HDAC1: variants seen among roughly 807,000 people sequenced by gnomAD.
The protein encoded by HDAC1 is histone deacetylase 1.
A neutral mutation model predicts 65.5 loss-of-function variants in HDAC1; 18 were observed. That is an observed-to-expected ratio of 0.27 (90% confidence interval 0.19 to 0.41). The LOEUF (loss-of-function observed/expected upper bound fraction) is 0.41, where lower values mean the gene tolerates loss of function less well. HDAC1 is among the 10% of genes least tolerant of loss of function. The pLI is 1.00. For missense variants in HDAC1, 373 were observed against 625.2 expected, an observed-to-expected ratio of 0.60 and a Z score of 4.30; for synonymous variants, 211 against 227.9, an observed-to-expected ratio of 0.93 and a Z score of 0.67.
intron 2 of HDAC1, 38 bp downstream of exon 2, chr1:32,302,771 CT>C (rs1640867304): frequency 1.1e-6 from 1 of 901,324 alleles, no homozygotes; most frequent in Admixed American, 1.7e-5. Context: ...CTAACCTCAT[CT>C]GCTCTGGTTC....
chr1:32,302,028 C>G (rs1443305968), intron 1 of HDAC1, among the ~76,000 whole-genome samples: 1 of 152,098 alleles, frequency 6.6e-6, no homozygotes, highest in Non-Finnish European at 1.5e-5. Flanking sequence ...GAAAATAACT[C>G]TGGTGACAGT....
chr1:32,324,416 A>C, intron 3 of HDAC1, 63 bp from the exon 4 acceptor site: 1 of 1,095,102 alleles, frequency 9.1e-7, no homozygotes, highest in East Asian at 2.4e-5. Context: ...TTTTTCCATC[A>C]GCTCATAAAT....
chr1:32,322,130 C>T (rs1175095699), intron 3 of HDAC1, among the ~76,000 whole-genome samples: 1 of 152,174 alleles, frequency 6.6e-6, no homozygotes, highest in African/African-American at 2.4e-5. Context: ...AGCTCTTCTG[C>T]TCTCACCCCA....
At chr1:32,313,408 TA>T (rs1472210476) in intron 2 of HDAC1, among the ~76,000 whole-genome samples, 3 of 152,070 alleles carry the variant, frequency 2.0e-5, no homozygotes, top group Non-Finnish European at 2.9e-5. Flanking sequence ...ATAATTATTT[TA>T]AAAAAGAGAA....
At chr1:32,303,795 A>G (rs1640879227) in intron 2 of HDAC1, among the ~76,000 whole-genome samples, 1 of 151,736 alleles carries the variant, frequency 6.6e-6, no homozygotes, top group African/African-American at 2.4e-5. Context: ...CTGGGAGGTC[A>G]AGGCTGCGGT....
rs1256342692 is a variant in HDAC1, at chr1:32,329,031, C to T, written c.637-37C>T. 1 of 1,257,726 alleles carries T rather than the reference C, an allele frequency of 8.0e-7. No homozygotes were observed. The highest frequency in any genetic ancestry group is 1.2e-6 in the Non-Finnish European group (1 of 855,594). The allele number at this position is 1,257,726 out of a possible 1,614,324, so 77.9% of individuals were successfully genotyped here. On this transcript the variant is annotated intron_variant, in intron 6 of 13. Coordinates refer to ENST00000373548, the MANE Select transcript of HDAC1 (RefSeq NM_004964.3). This position sits in a 1 kb window ranked among gnomAD's most constrained non-coding sequence, Gnocchi z 4.1. ...CTATCCTTGACCTTCCTTCAAGCTT[C>T]ATCCTTCAGTTTTACTTTAATGGCC...
At chr1:32,294,141 G>C (rs565996402) in intron 1 of HDAC1, among the ~76,000 whole-genome samples, 135 of 152,080 alleles carry the variant, frequency 8.9e-4, no homozygotes, top group African/African-American at 2.9e-3. Flanking sequence ...TCCTGGTGTG[G>C]GCAGTATTTT....
chr1:32,327,674 A>G lies in HDAC1; in HGVS notation c.633A>G (p.Leu211=), dbSNP rs1302656580. 2.5e-6 allele frequency: 4 copies of G among 1,613,974 alleles called. No homozygotes were observed. The highest frequency in any genetic ancestry group is 3.4e-6 in the Non-Finnish European group (4 of 1,179,940). ...AGTACTTCCCAGGAACTGGGGACCT[A>G]CGGGTGAGAACGCCCTTTAGGAGCC... The part of the protein sequence containing the change: ...YGEYFPGTGD[L]RDIGAGKGKY... The change falls in exon 6 of 14, where the codon CTA becomes CTG. Residue 211 remains leucine, a synonymous_variant. Coordinates refer to ENST00000373548, the MANE Select transcript of HDAC1 (RefSeq NM_004964.3). This position sits in a 1 kb window ranked among gnomAD's most constrained non-coding sequence, Gnocchi z 6.0.
chr1:32,331,909 AGAAATCTGTTTTC>A lies in HDAC1; in HGVS notation c.1219+106_1219+118del. 6.8e-7 allele frequency: 1 copy of A among 1,474,838 alleles called. No homozygotes were observed. Among genetic ancestry groups the A allele is most frequent in the Non-Finnish European group, 9.1e-7 (1 of 1,094,700 alleles). 91.4% of individuals were successfully genotyped at this position (1,474,838 alleles called of 1,614,324 possible). On this transcript the variant is annotated intron_variant, in intron 11 of 13. Transcript: ENST00000373548. This position sits in a 1 kb window ranked among gnomAD's most constrained non-coding sequence, Gnocchi z 4.2. Reference sequence around the variant, plus strand: ...CTCCCTCCAAGCTCCCCACCTGTAGAGAAATCTGTTTTCGAGTTCCAGTGCCTGTAGGAACAGG... The same window carrying A: ...CTCCCTCCAAGCTCCCCACCTGTAGAGAGTTCCAGTGCCTGTAGGAACAGG...
chr1:32,323,589 G>C (rs1405985930), intron 3 of HDAC1, among the ~76,000 whole-genome samples: 3 of 151,920 alleles, frequency 2.0e-5, no homozygotes, highest in South Asian at 2.1e-4. Flanking sequence ...GTAGAGATGG[G>C]GTTTCTCCAT....
chr1:32,333,188 G>A lies in HDAC1; in HGVS notation c.*144G>A, dbSNP rs955095394. 2 of 660,424 alleles carry A rather than the reference G, an allele frequency of 3.0e-6. No individual in the cohort carries two copies. Among genetic ancestry groups the A allele is most frequent in the African/African-American group, 3.7e-5 (2 of 54,062 alleles). 40.9% of individuals were successfully genotyped at this position (660,424 alleles called of 1,614,324 possible). ...CCCCAGGGACAGAAACCAAGGCCCC[G>A]AGCTCAGGGCAGCTGTGCTGGGTGA... On this transcript the variant is annotated 3_prime_UTR_variant, in exon 14 of 14. Coordinates refer to ENST00000373548, the MANE Select transcript of HDAC1 (RefSeq NM_004964.3).
chr1:32,332,614 T>TG (rs1323160064), intron 12 of HDAC1, 87 bp from the exon 13 acceptor site: 1 of 944,270 alleles, frequency 1.1e-6, no homozygotes, highest in Non-Finnish European at 1.7e-6. Context: ...GCTGTAGTGT[T>TG]GGGGAAGGGG....
chr1:32,304,392 G>A (rs551020352), intron 2 of HDAC1, among the ~76,000 whole-genome samples: 25 of 152,116 alleles, frequency 1.6e-4, no homozygotes, highest in Admixed American at 4.6e-4. Context: ...GATATTTTTA[G>A]GTACTCTAGG....
intron 1 of HDAC1, among the ~76,000 whole-genome samples, chr1:32,295,585 A>C (rs947889424): frequency 1.3e-5 from 2 of 151,966 alleles, no homozygotes; most frequent in Admixed American, 1.3e-4. Context: ...AAAAAGGATA[A>C]ACTCTGTTTT....
At chr1:32,310,022 A>T (rs932019194) in intron 2 of HDAC1, among the ~76,000 whole-genome samples, 1 of 152,192 alleles carries the variant, frequency 6.6e-6, no homozygotes, top group Non-Finnish European at 1.5e-5. Context: ...AGTCTCTCAA[A>T]CATGTTTTAT....
rs2148072408 is a variant in HDAC1 at position 32,330,785 on chromosome 1, G to A, written c.856G>A (p.Glu286Lys). ...LTIKGHAKCV[E>K]FVKSFNLPML... ...CACCAAAGGACACGCCAAGTGTGTG[G>A]AATTTGTCAAGAGCTTTAACCTGCC... Residue 286 changes from glutamate (E) to lysine (K), a missense_variant, in exon 9 of 14, where the codon GAA (glutamate) becomes AAA (lysine). Glu to Lys is a moderately conservative substitution (Grantham distance 56). Around this residue, in one of 4 missense-constraint regions of HDAC1, gnomAD observed 105 missense variants for 192.6 expected, o/e 0.55. Coordinates refer to ENST00000373548, the MANE Select transcript of HDAC1 (RefSeq NM_004964.3). The surrounding 1 kb of genome is among the most constrained non-coding windows in gnomAD (Gnocchi z 4.2). The A allele has an allele frequency of 1.9e-6, 3 of 1,614,174 alleles. No individual in the cohort carries two copies. The highest frequency in any genetic ancestry group is 2.5e-6 in the Non-Finnish European group (3 of 1,180,030).
chr1:32,306,402 C>G (rs1640912295), intron 2 of HDAC1, among the ~76,000 whole-genome samples: 2 of 152,042 alleles, frequency 1.3e-5, no homozygotes, highest in Admixed American at 6.6e-5. Context: ...AGGTGATCCG[C>G]CCGCCTTGGC....
intron 1 of HDAC1, among the ~76,000 whole-genome samples, chr1:32,297,569 A>C (rs969758941): frequency 6.6e-6 from 1 of 152,108 alleles, no homozygotes; most frequent in East Asian, 1.9e-4. Context: ...AAAAAAGAAA[A>C]AGAAAAAGTA....
chr1:32,294,358 A>T (rs1363329670), intron 1 of HDAC1, among the ~76,000 whole-genome samples: 8 of 151,888 alleles, frequency 5.3e-5, no homozygotes, highest in Admixed American at 5.3e-4. Flanking sequence ...GATGTTGGCC[A>T]GGCTGGTCTC....
Sources: allele counts gnomAD v4.1 joint callset (sites outside exome capture counted in the v4.1 genomes callset), GRCh38; gene constraint gnomAD v4.1.1; regional missense constraint gnomAD v4.1.1; non-coding constraint Gnocchi (gnomAD v3.1); transcripts MANE v1.5; gene names NCBI Gene and HGNC (gene_info 2026-07-23, HGNC 2026-07-21).